The following PCDHA4 variants were observed in gnomAD, a reference collection of about 807,000 sequenced individuals.
The protein encoded by PCDHA4 is protocadherin alpha-4.
A neutral mutation model predicts 61.4 loss-of-function variants in PCDHA4; 49 were observed. That is an observed-to-expected ratio of 0.80 (90% CI 0.63 to 1.01). The LOEUF (loss-of-function observed/expected upper bound fraction) is 1.01, where lower values mean the gene tolerates loss of function less well. PCDHA4 is among the 50% of genes least tolerant of loss of function. The probability of loss-of-function intolerance (pLI) is 0.00; values close to 1 mark genes in which losing one functional copy is unlikely to be tolerated. For missense variants in PCDHA4, 1,254 were observed against 1,235.8 expected (o/e 1.01, Z -0.22); for synonymous variants, 590 against 550.3 (o/e 1.07, Z -1.01).
In PCDHA4 at chr5:140,828,686, T is replaced by C. The variant is rs184176193; in HGVS notation, c.2385+19114T>C. 17 of 1,614,164 alleles carry C rather than the reference T, an allele frequency of 1.1e-5. No homozygotes were observed. Among genetic ancestry groups the C allele is most frequent in the Admixed American group, 3.3e-5 (2 of 60,022 alleles). On this transcript the variant is annotated intron_variant, in intron 1 of 3. Transcript: ENST00000530339. ...ACAAATTGGGCTCTTATTAAAGAAA[T>C]CCTTGGACAGAGAGGAAGCTCCTGC...
intron 1 of PCDHA4, among the ~76,000 whole-genome samples, chr5:140,827,203 G>A (rs1239301472): frequency 2.6e-5 from 4 of 152,154 alleles, no homozygotes; most frequent in Non-Finnish European, 5.9e-5. Context: ...GGAAGTGAGT[G>A]AGAACAATTA....
intron 1 of PCDHA4, chr5:140,859,474 T>TA: frequency 4.8e-6 from 1 of 210,386 alleles, no homozygotes; most frequent in Non-Finnish European, 9.2e-6. Context: ...CTATCAATTG[T>TA]GTTTTCCTGA....
chr5:140,902,140 G>A (rs1156661388), intron 1 of PCDHA4, among the ~76,000 whole-genome samples: 2 of 151,048 alleles, frequency 1.3e-5, no homozygotes, highest in African/African-American at 4.9e-5. Context: ...CTGCAAACAA[G>A]GATAATTTGA....
rs2150158198 is a variant in PCDHA4 at position 140,828,717 on chromosome 5, A to C, written c.2385+19145A>C. On this transcript the variant is annotated intron_variant, in intron 1 of 3. Coordinates refer to ENST00000530339, the MANE Select transcript of PCDHA4 (RefSeq NM_018907.4). The stretch of plus-strand genomic sequence containing the variant: ...GACAGAGAGGAAGCTCCTGCACACA[A>C]CTTATTCCTGACAGCCACAGATGGG... 5.6e-6 allele frequency: 9 copies of C among 1,614,108 alleles called. No homozygotes were observed. In the South Asian group the frequency reaches 7.7e-5, roughly 14 times the overall value.
intron 1 of PCDHA4, chr5:140,824,234 A>T: frequency 6.6e-7 from 1 of 1,516,800 alleles, no homozygotes; most frequent in Non-Finnish European, 9.1e-7. Context: ...TAGTACACAA[A>T]TATTGTGGTA....
At chr5:140,998,769 G>A (rs1210690974) in intron 3 of PCDHA4, among the ~76,000 whole-genome samples, 1 of 152,054 alleles carries the variant, frequency 6.6e-6, no homozygotes, top group Non-Finnish European at 1.5e-5. Flanking sequence ...TCACTATGTT[G>A]GTCAGGCTGG....
At chr5:140,823,251 G>C (rs781822004) in intron 1 of PCDHA4, 2 of 1,613,318 alleles carry the variant, frequency 1.2e-6, no homozygotes, top group Non-Finnish European at 1.7e-6. Context: ...TGTCCTACTC[G>C]CTGGTGGAGC....
chr5:140,828,658 T>G, intron 1 of PCDHA4: 2 of 1,614,116 alleles, frequency 1.2e-6, no homozygotes, highest in Non-Finnish European at 1.7e-6. Flanking sequence ...GTGATGACAA[T>G]AAACAAATTG....
intron 1 of PCDHA4, chr5:140,927,419 G>T (rs781883331): frequency 1.9e-6 from 3 of 1,614,140 alleles, no homozygotes; most frequent in South Asian, 2.2e-5. Flanking sequence ...ATGGGATCGC[G>T]GGTTGACGGC....
intron 1 of PCDHA4, among the ~76,000 whole-genome samples, chr5:140,913,386 T>C (rs1317540233): frequency 6.6e-6 from 1 of 152,228 alleles, no homozygotes; most frequent in Non-Finnish European, 1.5e-5. Context: ...TGGCTCATCA[T>C]AGCCACTAAT....
chr5:140,861,018 C>T (rs1263823889), intron 1 of PCDHA4: 1 of 152,248 alleles, frequency 6.6e-6, no homozygotes, highest in South Asian at 2.1e-4. Context: ...CGAGTGCCAC[C>T]GCACCCGGCC....
At chr5:140,848,341 T>C (rs1175376105) in intron 1 of PCDHA4, 6 of 896,220 alleles carry the variant, frequency 6.7e-6, no homozygotes, top group Non-Finnish European at 1.0e-5. Context: ...TCCAGACAAA[T>C]ACAGCCCTTT....
intron 2 of PCDHA4, chr5:140,982,255 G>A (rs1226877967): frequency 1.6e-5 from 13 of 791,614 alleles, no homozygotes; most frequent in South Asian, 1.3e-4. Context: ...GATAGAACAT[G>A]TGTGTTCCTG....
At chr5:140,986,460 G>A (rs1489873666) in intron 3 of PCDHA4, among the ~76,000 whole-genome samples, 1 of 152,176 alleles carries the variant, frequency 6.6e-6, no homozygotes, top group Admixed American at 6.5e-5. Flanking sequence ...TTTAATGAAT[G>A]CCCTCTTGTG....
In PCDHA4 at chr5:140,836,149, A is replaced by C. The variant is rs1463857547; in HGVS notation, c.2385+26577A>C. On this transcript the variant is annotated intron_variant, in intron 1 of 3. Coordinates refer to ENST00000530339, the MANE Select transcript of PCDHA4 (RefSeq NM_018907.4). Reference sequence around the variant, plus strand: ...GTGCCGCGGTCTGTGGGCGCGGGCCATGTGGTGGCGAAGGTACGTGCAGTT... The same window carrying C: ...GTGCCGCGGTCTGTGGGCGCGGGCCCTGTGGTGGCGAAGGTACGTGCAGTT... The C allele has an allele frequency of 1.2e-6, 2 of 1,613,636 alleles. No homozygotes were observed. The highest frequency in any genetic ancestry group is 1.7e-6 in the Non-Finnish European group (2 of 1,179,796).
chr5:140,924,105 C>T lies in PCDHA4; in HGVS notation c.2386-54844C>T, dbSNP rs140580566. ...AGGCAGAAAGAATAAATTTTCATTC[C>T]AAAGCAGTTAGCTTGCTTAGCAGCA... is the stretch of plus-strand genomic sequence containing the variant. On this transcript the variant is annotated intron_variant, in intron 1 of 3. Coordinates refer to ENST00000530339, the MANE Select transcript of PCDHA4 (RefSeq NM_018907.4). Among the ~76,000 whole-genome samples the T allele has an allele frequency of 8.5e-5, 13 of 152,262 alleles. No homozygotes were observed. The East Asian group carries it at 2.5e-3, about 29-fold the overall frequency.
intron 1 of PCDHA4, among the ~76,000 whole-genome samples, chr5:140,886,844 A>C (rs11748231): frequency 2.0e-5 from 3 of 150,634 alleles, no homozygotes; most frequent in African/African-American, 7.3e-5. Flanking sequence ...AAAAAAAAAA[A>C]AAAGAAAGGT....
rs147309851 is a variant in PCDHA4, at chr5:140,808,422, C to A, written c.1235C>A (p.Ala412Asp). Residue 412 changes from alanine to aspartate, a missense_variant, in exon 1 of 4, where the codon GCC becomes GAC. Coordinates refer to ENST00000530339, the MANE Select transcript of PCDHA4 (RefSeq NM_018907.4). ...TACTACTCGTTGGTGCTGGACAGTG[C>A]CCTGGACCGCGAGAGCGTGTCAGCC... ...KNYYSLVLDS[A>D]LDRESVSAYE... is the part of the protein sequence containing the mutation. 3.1e-6 allele frequency: 5 copies of A among 1,614,150 alleles called. No individual in the cohort carries two copies. Among genetic ancestry groups the A allele is most frequent in the Non-Finnish European group, 4.2e-6 (5 of 1,180,052 alleles).
chr5:140,811,783 C>T (rs1419535185), intron 1 of PCDHA4: 1 of 152,180 alleles, frequency 6.6e-6, no homozygotes, highest in Non-Finnish European at 1.5e-5. Context: ...TGTCTGTTGG[C>T]TGCATAAATG....
Sources: allele counts gnomAD v4.1 joint callset (sites outside exome capture counted in the v4.1 genomes callset), GRCh38; gene constraint gnomAD v4.1.1; transcripts MANE v1.5; gene names NCBI Gene and HGNC (gene_info 2026-07-23, HGNC 2026-07-21).